LPP: variants seen among roughly 807,000 people sequenced by gnomAD.
LPP encodes the protein LIM domain containing preferred translocation partner in lipoma.
Under a neutral mutation model 60.4 loss-of-function variants are expected in LPP, and 38 were observed. The observed-to-expected ratio is 0.63, with a 90% CI of 0.49 to 0.83. The LOEUF (loss-of-function observed/expected upper bound fraction) is 0.83. LPP is among the 40% of genes least tolerant of loss of function. The pLI, the probability that LPP is intolerant of heterozygous loss-of-function variation, is 0.00. For synonymous variants in LPP, 328 were observed against 290.8 expected (o/e 1.13, Z -1.30); for missense variants, 902 against 783.6 (o/e 1.15, Z -1.80).
chr3:188,421,579 C>T (rs1787812257), intron 4 of LPP, among the ~76,000 whole-genome samples: 1 of 152,130 alleles, frequency 6.6e-6, no homozygotes, highest in Non-Finnish European at 1.5e-5. Context: ...TAGTGCTCCC[C>T]ATAAGCTACT....
At chr3:188,621,653 C>CATTTTATTTT (rs369597177) in intron 7 of LPP, among the ~76,000 whole-genome samples, 10 of 152,028 alleles carry the variant, frequency 6.6e-5, no homozygotes, top group African/African-American at 2.4e-4. Context: ...AGATGGACTC[C>CATTTTATTTT]ATTTTATTTT....
intron 3 of LPP, among the ~76,000 whole-genome samples, chr3:188,345,590 A>G (rs1212786091): frequency 6.6e-6 from 1 of 152,216 alleles, no homozygotes; most frequent in Admixed American, 6.5e-5. Flanking sequence ...AAGGCCTGCG[A>G]TTCCCAATTG....
intron 4 of LPP, among the ~76,000 whole-genome samples, chr3:188,467,382 C>T (rs149479515): frequency 6.6e-6 from 1 of 151,982 alleles, no homozygotes; most frequent in African/African-American, 2.4e-5. Flanking sequence ...AATACAAGAA[C>T]TTTTGCTCTT....
chr3:188,541,800 G>A (rs932303568), intron 6 of LPP, among the ~76,000 whole-genome samples: 4 of 152,012 alleles, frequency 2.6e-5, no homozygotes, highest in African/African-American at 9.7e-5. Context: ...AGGAGGCTGA[G>A]GCAGGAGAAT....
intron 7 of LPP, among the ~76,000 whole-genome samples, chr3:188,642,190 G>C (rs1477989318): frequency 6.6e-6 from 1 of 152,024 alleles, no homozygotes; most frequent in Admixed American, 6.6e-5. Flanking sequence ...CAGTAGTCAA[G>C]TACCCTTCTT....
At chr3:188,830,561 C>T (rs1255035923) in intron 9 of LPP, among the ~76,000 whole-genome samples, 1 of 151,798 alleles carries the variant, frequency 6.6e-6, no homozygotes, top group Non-Finnish European at 1.5e-5. Context: ...GCCAAGATTG[C>T]ACCACTGCAC....
chr3:188,386,270 A>G (rs1015491074), intron 3 of LPP, among the ~76,000 whole-genome samples: 5 of 130,908 alleles, frequency 3.8e-5, no homozygotes, highest in African/African-American at 1.8e-4. Context: ...GCGCGCACAC[A>G]CACACACACA....
intron 2 of LPP, among the ~76,000 whole-genome samples, chr3:188,241,307 A>G (rs1724705500): frequency 6.6e-6 from 1 of 152,226 alleles, no homozygotes; most frequent in East Asian, 1.9e-4. Flanking sequence ...ATGACTGGGT[A>G]TAAACGCCTG....
intron 4 of LPP, among the ~76,000 whole-genome samples, chr3:188,426,862 A>T (rs1789516696): frequency 6.6e-6 from 1 of 151,754 alleles, no homozygotes; most frequent in African/African-American, 2.4e-5. Flanking sequence ...TGTGAGATGG[A>T]TCTCTTGAAT....
intron 7 of LPP, among the ~76,000 whole-genome samples, chr3:188,632,546 T>G (rs1265541233): frequency 6.6e-6 from 1 of 152,210 alleles, no homozygotes; most frequent in Non-Finnish European, 1.5e-5. Flanking sequence ...AAAGAAACTC[T>G]GGTTTTGTGG....
At chr3:188,540,190 G>T (rs988867076) in intron 6 of LPP, among the ~76,000 whole-genome samples, 4 of 152,104 alleles carry the variant, frequency 2.6e-5, no homozygotes, top group Non-Finnish European at 5.9e-5. Flanking sequence ...GCTTCTTTCA[G>T]TTGGTTTGCA....
chr3:188,355,258 C>T (rs1047914197), intron 3 of LPP, among the ~76,000 whole-genome samples: 3 of 152,146 alleles, frequency 2.0e-5, no homozygotes, highest in Admixed American at 6.5e-5. Flanking sequence ...CTACCCGCCT[C>T]GGCCTCCCAA....
At position 188,182,322 on chromosome 3, in the gene LPP, C is replaced by T. The variant is rs1466566703; in HGVS notation, c.-190+28070C>T. Among the ~76,000 whole-genome samples the T allele has an allele frequency of 6.6e-6, 1 of 152,172 alleles. No individual in the cohort carries two copies. The highest frequency in any genetic ancestry group is 1.9e-4 in the East Asian group (1 of 5,196). On this transcript the variant is annotated intron_variant, in intron 1 of 11. Transcript: ENST00000617246. This position sits in a 1 kb window ranked among gnomAD's most constrained non-coding sequence, Gnocchi z 4.4. The stretch of plus-strand genomic sequence containing the variant: ...CCAGAATCTATGTCTTTAGGTGTTG[C>T]TGAAAGTTTGAGAAGCATTACTGTA...
chr3:188,311,854 G>A (rs529966757), intron 2 of LPP, among the ~76,000 whole-genome samples: 1 of 152,106 alleles, frequency 6.6e-6, no homozygotes, highest in Non-Finnish European at 1.5e-5. Flanking sequence ...GGCCAGGCTG[G>A]TCTCGAACTC....
chr3:188,194,767 C>T (rs1258649265), intron 1 of LPP, among the ~76,000 whole-genome samples: 1 of 152,124 alleles, frequency 6.6e-6, no homozygotes, highest in Non-Finnish European at 1.5e-5. Flanking sequence ...CCTGTGGATT[C>T]TACCTTACTT....
chr3:188,517,913 G>A (rs947842403), intron 5 of LPP, among the ~76,000 whole-genome samples: 1 of 152,104 alleles, frequency 6.6e-6, no homozygotes, highest in African/African-American at 2.4e-5. Context: ...CATACAGAGT[G>A]AATTCTCTGT....
chr3:188,563,716 GTGTTTTTTTTT>G, intron 6 of LPP, among the ~76,000 whole-genome samples: 1 of 108,088 alleles, frequency 9.3e-6, no homozygotes, highest in South Asian at 3.1e-4. Flanking sequence ...GGAATTGCTT[GTGTTTTTTTTT>G]GTTTTTTTTT....
chr3:188,675,560 A>G (rs1221019631), intron 7 of LPP, among the ~76,000 whole-genome samples: 1 of 152,204 alleles, frequency 6.6e-6, no homozygotes, highest in South Asian at 2.1e-4. Flanking sequence ...AATCTGTGCT[A>G]AGCTTAGAAG....
intron 3 of LPP, among the ~76,000 whole-genome samples, chr3:188,358,937 A>G (rs1306082213): frequency 2.0e-5 from 3 of 152,174 alleles, no homozygotes; most frequent in Non-Finnish European, 2.9e-5. Context: ...CTGGTGCTCT[A>G]TTAGGTGCTG....
Sources: gnomAD v4.1 joint callset for allele counts (sites outside exome capture counted in the v4.1 genomes callset) on GRCh38, gnomAD v4.1.1 for gene constraint, Gnocchi (gnomAD v3.1) non-coding constraint, MANE v1.5 for transcripts, NCBI Gene and HGNC (gene_info 2026-07-23, HGNC 2026-07-21) for gene names.